The following ABCA1 variants were observed in gnomAD, a reference collection of about 807,000 sequenced individuals.
ABCA1 encodes phospholipid-transporting ATPase ABCA1.
ABCA1 carries 133 observed loss-of-function variants against 262.5 expected under a neutral mutation model. That is an observed-to-expected ratio of 0.51 (90% CI 0.44 to 0.59). The LOEUF (loss-of-function observed/expected upper bound fraction) is 0.59. Among genes scored for constraint, ABCA1 ranks in the 20% least tolerant of loss-of-function variants. The pLI is 0.00. For missense variants in ABCA1, 2,452 were observed against 2,777.5 expected, an observed-to-expected ratio of 0.88 and a Z score of 2.63; for synonymous variants, 1,022 against 1,043.5, an observed-to-expected ratio of 0.98 and a Z score of 0.40.
At chr9:104,855,097 G>A in intron 7 of ABCA1, 1 of 952,864 alleles carries the variant, frequency 1.0e-6, no homozygotes, top group Non-Finnish European at 1.2e-6. Context: ...GAAAAGTCTT[G>A]ACAATATCTG....
At chr9:104,918,618 T>G (rs955855026) in intron 1 of ABCA1, among the ~76,000 whole-genome samples, 1 of 152,210 alleles carries the variant, frequency 6.6e-6, no homozygotes, top group Non-Finnish European at 1.5e-5. Flanking sequence ...AAATATGTAT[T>G]GTTGTTGTTA....
intron 36 of ABCA1, chr9:104,799,533 T>C (rs778400102): frequency 5.8e-5 from 57 of 981,664 alleles, no homozygotes; most frequent in Non-Finnish European, 5.8e-5. Context: ...TAAACACTTA[T>C]AATTAAATTA....
chr9:104,837,517 G>A lies in ABCA1; in HGVS notation c.1105C>T (p.Arg369Cys), dbSNP rs1330988062. ...GGCTTCAGAGCTTTCCAGATAATGC[G>A]GGAAAGAGGACTAGACTCCAAATTC... is the stretch of plus-strand genomic sequence containing the variant. ...MKNLESSPLS[R>C]IIWKALKPLL... Residue 369 changes from arginine (R) to cysteine (C), a missense_variant, in exon 10 of 50, where the codon CGC becomes TGC. Physicochemically the swap from Arg to Cys is radical, Grantham distance 180. This residue lies in a region of ABCA1 where 1,032 missense variants were observed against 1,089.7 expected (regional missense o/e 0.95). Coordinates refer to ENST00000374736, the MANE Select transcript of ABCA1 (RefSeq NM_005502.4). 1.1e-5 allele frequency: 18 copies of A among 1,613,932 alleles called. No individual in the cohort carries two copies. The highest frequency in any genetic ancestry group is 2.7e-5 in the African/African-American group (2 of 74,898).
intron 5 of ABCA1, 129 bp from the exon 6 acceptor site, chr9:104,861,929 A>G: frequency 1.2e-6 from 1 of 838,148 alleles, no homozygotes; most frequent in East Asian, 2.6e-5. Context: ...CTAAACACAC[A>G]CAGGAATGAG....
intron 1 of ABCA1, among the ~76,000 whole-genome samples, chr9:104,923,848 T>C (rs1007280479): frequency 6.6e-5 from 10 of 152,126 alleles, no homozygotes; most frequent in African/African-American, 2.4e-4. Context: ...AAGACCAGTC[T>C]GAGCAAGATA....
chr9:104,871,786 C>T (rs1290877126), intron 5 of ABCA1, among the ~76,000 whole-genome samples: 4 of 152,132 alleles, frequency 2.6e-5, no homozygotes, highest in Non-Finnish European at 2.9e-5. Context: ...GGAAAGACTA[C>T]ATCAAACAGA....
At chr9:104,821,602 C>T (rs1832354068) in intron 19 of ABCA1, 96 bp from the exon 20 acceptor site, 8 of 1,402,272 alleles carry the variant, frequency 5.7e-6, no homozygotes, top group African/African-American at 1.4e-5. Context: ...AACACCAACC[C>T]TCCCACCGCC....
chr9:104,912,928 C>T (rs1273293810), intron 1 of ABCA1, among the ~76,000 whole-genome samples: 1 of 152,164 alleles, frequency 6.6e-6, no homozygotes, highest in Non-Finnish European at 1.5e-5. Flanking sequence ...GAAACACAAG[C>T]AGGCAAGCCT....
At chr9:104,807,630 A>G (rs1247883956) in intron 30 of ABCA1, among the ~76,000 whole-genome samples, 1 of 151,976 alleles carries the variant, frequency 6.6e-6, no homozygotes, top group Admixed American at 6.6e-5. Flanking sequence ...CCTGTCCAAC[A>G]TGGTGAAACT....
At chr9:104,841,173 C>T (rs12335579) in intron 8 of ABCA1, among the ~76,000 whole-genome samples, 2,248 of 152,270 alleles carry the variant, frequency 0.015, 36 homozygotes, top group African/African-American at 0.037. Context: ...CAGTGGCTCA[C>T]ACCTGTAATC....
At position 104,833,806 on chromosome 9, in the gene ABCA1, G is replaced by A. The variant is rs73663561; in HGVS notation, c.1312-1035C>T. On this transcript the variant is annotated intron_variant, in intron 11 of 49. Transcript: ENST00000374736. ...CAAAGGAGGCCTATTTCCATTTCTTGTTCCCTTGCCAGTTGGTTCCTCACA... is the reference window on the plus strand; with the variant it reads ...CAAAGGAGGCCTATTTCCATTTCTTATTCCCTTGCCAGTTGGTTCCTCACA... 9.0e-3 allele frequency among the ~76,000 whole-genome samples: 1,376 copies of A among 152,298 alleles called. 27 individuals are homozygous for A. The highest frequency in any genetic ancestry group is 0.031 in the African/African-American group (1,299 of 41,552).
intron 1 of ABCA1, chr9:104,927,440 T>C (rs1826439351): frequency 6.6e-6 from 1 of 152,190 alleles, no homozygotes; most frequent in African/African-American, 2.4e-5. Flanking sequence ...GGGGAGCATA[T>C]AGCCAATTCC....
intron 7 of ABCA1, among the ~76,000 whole-genome samples, chr9:104,853,677 C>G (rs73521831): frequency 0.022 from 3,391 of 152,252 alleles, 122 homozygotes; most frequent in African/African-American, 0.076. Flanking sequence ...GAGATGTTCT[C>G]CTCCCAAAGT....
At chr9:104,851,078 C>T (rs1348842801) in intron 7 of ABCA1, among the ~76,000 whole-genome samples, 1 of 152,186 alleles carries the variant, frequency 6.6e-6, no homozygotes, top group East Asian at 1.9e-4. Context: ...TTAATCACAA[C>T]ATACCATGTT....
intron 8 of ABCA1, among the ~76,000 whole-genome samples, chr9:104,841,546 A>T (rs1475228504): frequency 6.6e-6 from 1 of 152,178 alleles, no homozygotes; most frequent in African/African-American, 2.4e-5. Context: ...CTGAGTACTC[A>T]ACTTCTCCAT....
At position 104,814,186 on chromosome 9, in the gene ABCA1, T is replaced by C. The variant is rs886063308; in HGVS notation, c.3833A>G (p.Lys1278Arg). The C allele has an allele frequency of 6.2e-7, 1 of 1,614,260 alleles. No homozygotes were observed. Among genetic ancestry groups the C allele is most frequent in the East Asian group, 2.2e-5 (1 of 44,886 alleles). Residue 1278 changes from lysine (K) to arginine (R), a missense_variant, in exon 27 of 50, where the codon AAG becomes AGG. By Grantham distance (26) the Lys-to-Arg change is conservative (BLOSUM62 2). Coordinates refer to ENST00000374736, the MANE Select transcript of ABCA1 (RefSeq NM_005502.4). ...AGTGAACGGGCGAAGACAGCTCTGC[T>C]TGTCCCCGAAGGCCCGCCTGTTTCG... is the stretch of plus-strand genomic sequence containing the variant. ...ARRNRRAFGD[K>R]QSCLRPFTED...
chr9:104,896,134 A>G (rs1005882768), intron 2 of ABCA1, among the ~76,000 whole-genome samples: 6 of 152,224 alleles, frequency 3.9e-5, no homozygotes, highest in African/African-American at 7.2e-5. Flanking sequence ...AAAGTTAACT[A>G]AAAAGCTGCA....
chr9:104,828,754 G>T (rs1009439808), intron 15 of ABCA1, among the ~76,000 whole-genome samples, 162 bp downstream of exon 15: 1 of 152,284 alleles, frequency 6.6e-6, no homozygotes, highest in African/African-American at 2.4e-5. Context: ...CCCTCTCTGG[G>T]CCTCACTTTC....
chr9:104,819,571 A>G lies in ABCA1; in HGVS notation c.3241+15T>C, dbSNP rs1832103347. On this transcript the variant is annotated intron_variant, in intron 22 of 49. Coordinates refer to ENST00000374736, the MANE Select transcript of ABCA1 (RefSeq NM_005502.4). ...CTCTCAGTCCATTTACTCAGAATAA[A>G]TACACATCAGGCACCTTGTCGGTAT... 6.2e-7 allele frequency: 1 copy of G among 1,614,094 alleles called. No homozygotes were observed. The highest frequency in any genetic ancestry group is 8.5e-7 in the Non-Finnish European group (1 of 1,180,010).
Sources: gnomAD v4.1 joint callset for allele counts (sites outside exome capture counted in the v4.1 genomes callset) on GRCh38, gnomAD v4.1.1 for gene constraint, gnomAD v4.1.1 regional missense constraint, MANE v1.5 for transcripts, NCBI Gene and HGNC (gene_info 2026-07-23, HGNC 2026-07-21) for gene names.